The following NTM variants were observed in gnomAD, a reference collection of about 807,000 sequenced individuals.
The protein encoded by NTM is neurotrimin.
NTM carries 13 observed loss-of-function variants against 42.1 expected under a neutral mutation model. The ratio of observed to expected loss-of-function variants is 0.31; its 90% CI spans 0.20 to 0.49. The LOEUF is 0.49. Among genes scored for constraint, NTM ranks in the 20% least tolerant of loss-of-function variants. The probability of loss-of-function intolerance (pLI) is 0.99; values close to 1 mark genes in which losing one functional copy is unlikely to be tolerated. For missense variants in NTM, 373 were observed against 452.8 expected, an observed-to-expected ratio of 0.82 and a Z score of 1.60; for synonymous variants, 187 against 179.2, an observed-to-expected ratio of 1.04 and a Z score of -0.35.
At chr11:131,588,598 G>A (rs937398825) in intron 1 of NTM, among the ~76,000 whole-genome samples, 12 of 152,180 alleles carry the variant, frequency 7.9e-5, no homozygotes, top group African/African-American at 2.9e-4. Context: ...TTGGTAACTT[G>A]AGTCTACCTA....
chr11:131,995,023 C>G (rs1201626405), intron 2 of NTM, among the ~76,000 whole-genome samples: 5 of 152,086 alleles, frequency 3.3e-5, no homozygotes, highest in Non-Finnish European at 2.9e-5. Context: ...GACTGTTGTT[C>G]CCTCTTATTT....
intron 3 of NTM, among the ~76,000 whole-genome samples, chr11:132,167,661 T>C (rs1454600309): frequency 6.6e-6 from 1 of 152,196 alleles, no homozygotes; most frequent in Non-Finnish European, 1.5e-5. Context: ...GATCCTTAGA[T>C]GAAGGGAAGG....
intron 1 of NTM, among the ~76,000 whole-genome samples, chr11:131,606,360 G>T (rs1322690868): frequency 6.6e-6 from 1 of 152,118 alleles, no homozygotes; most frequent in Non-Finnish European, 1.5e-5. Context: ...CTGGCTGACG[G>T]CTGTATTTTC....
chr11:131,776,861 A>G (rs1247814491), intron 1 of NTM, among the ~76,000 whole-genome samples: 1 of 152,140 alleles, frequency 6.6e-6, no homozygotes. Context: ...AAGAAGGAAG[A>G]GTAGGAGGCT....
chr11:131,523,051 T>G (rs73026170), intron 1 of NTM, among the ~76,000 whole-genome samples: 12,175 of 152,282 alleles, frequency 0.08, 547 homozygotes, highest in Middle Eastern at 0.16. Context: ...ACCACATTTT[T>G]AAAATCTGAG....
At position 132,335,087 on chromosome 11, in the gene NTM, AG is replaced by A; in HGVS notation, c.1012del (p.Ala338GlnfsTer53). ...CGAGGTGAGCAACGGCACGTCGAGG[AG>A]GGCAGGCTGCGTCTGGCTGCTGCCT... ...VSEVSNGTSR[R>X]AGCVWLLPLL... On this transcript the variant is annotated frameshift_variant, in exon 9 of 9. Transcript: ENST00000683400. LOFTEE classifies it high-confidence loss of function. 6.2e-7 allele frequency: 1 copy of A among 1,612,698 alleles called. No homozygotes were observed.
chr11:131,722,019 A>AAAAAAAG (rs2078408049), intron 1 of NTM, among the ~76,000 whole-genome samples: 1 of 114,540 alleles, frequency 8.7e-6, no homozygotes, highest in African/African-American at 3.3e-5. Context: ...AAAAAAAAAA[A>AAAAAAAG]AAAGAGAGAA....
intron 2 of NTM, among the ~76,000 whole-genome samples, chr11:132,116,762 G>A (rs531389724): frequency 6.6e-6 from 1 of 152,360 alleles, no homozygotes; most frequent in East Asian, 1.9e-4. Context: ...TGCTGAGGAT[G>A]ACAGTTATAG....
chr11:132,035,914 C>T, intron 2 of NTM, among the ~76,000 whole-genome samples: 1 of 152,254 alleles, frequency 6.6e-6, no homozygotes, highest in Admixed American at 6.5e-5. Flanking sequence ...CTAAGAATTC[C>T]CTTATCTCTC....
At chr11:131,987,379 C>CTATTCTATTT (rs2066235710) in intron 2 of NTM, among the ~76,000 whole-genome samples, 2 of 13,582 alleles carry the variant, frequency 1.5e-4, no homozygotes, top group African/African-American at 4.1e-4. Context: ...CCTATTCCTC[C>CTATTCTATTT]TATTCTATTC....
chr11:131,677,809 C>T (rs1346994605), intron 1 of NTM, among the ~76,000 whole-genome samples: 6 of 152,206 alleles, frequency 3.9e-5, no homozygotes, highest in African/African-American at 1.2e-4. Context: ...CAGCGCCCTG[C>T]AGAGGCCTGG....
intron 3 of NTM, among the ~76,000 whole-genome samples, chr11:132,168,921 C>T (rs1398676799): frequency 6.6e-6 from 1 of 152,154 alleles, no homozygotes; most frequent in Non-Finnish European, 1.5e-5. Context: ...CTTATGCTCC[C>T]TGGGATTCAG....
chr11:131,449,395 A>G (rs1452832680), intron 1 of NTM, among the ~76,000 whole-genome samples: 4 of 152,202 alleles, frequency 2.6e-5, no homozygotes, highest in Non-Finnish European at 5.9e-5. Flanking sequence ...AGATCATTAC[A>G]GTCCAGCTTC....
chr11:132,048,765 C>G (rs573031001), intron 2 of NTM, among the ~76,000 whole-genome samples: 26 of 151,614 alleles, frequency 1.7e-4, no homozygotes, highest in Non-Finnish European at 3.4e-4. Context: ...ACAACAAGAA[C>G]ACAAAACTAA....
At chr11:131,752,204 T>C (rs958649350) in intron 1 of NTM, among the ~76,000 whole-genome samples, 1 of 152,136 alleles carries the variant, frequency 6.6e-6, no homozygotes, top group East Asian at 1.9e-4. Flanking sequence ...TTGTATGTTT[T>C]AACCCCATCA....
chr11:131,841,081 T>G lies in NTM; in HGVS notation c.83-70483T>G, dbSNP rs192832783. Among the ~76,000 whole-genome samples the G allele has an allele frequency of 1.5e-4, 23 of 152,332 alleles. No individual in the cohort carries two copies. In the East Asian group the frequency reaches 4.4e-3, roughly 29 times the overall value. On this transcript the variant is annotated intron_variant, in intron 1 of 8. Coordinates refer to ENST00000683400, the MANE Select transcript of NTM (RefSeq NM_001352005.2). ...AGTTAAATAGATTTAGTACACATTT[T>G]TAAGACATTTTATAGGTCATGCACT...
chr11:131,745,659 C>G (rs945636114), intron 1 of NTM, among the ~76,000 whole-genome samples: 1 of 152,046 alleles, frequency 6.6e-6, no homozygotes, highest in Admixed American at 6.5e-5. Flanking sequence ...GTCACTTCAT[C>G]TTAGAAATTC....
intron 2 of NTM, among the ~76,000 whole-genome samples, chr11:131,936,300 C>T (rs80162812): frequency 6.6e-6 from 1 of 152,062 alleles, no homozygotes; most frequent in Non-Finnish European, 1.5e-5. Context: ...CTATATAATA[C>T]CAGAAGATGG....
At chr11:131,389,128 T>C (rs1016833055) in intron 1 of NTM, among the ~76,000 whole-genome samples, 15 of 152,174 alleles carry the variant, frequency 9.9e-5, no homozygotes, top group African/African-American at 3.1e-4. Flanking sequence ...GCACCTATTA[T>C]GGGCCAGGCC....
Sources: gnomAD v4.1 joint callset for allele counts (sites outside exome capture counted in the v4.1 genomes callset) on GRCh38, gnomAD v4.1.1 for gene constraint, MANE v1.5 for transcripts, NCBI Gene and HGNC (gene_info 2026-07-23, HGNC 2026-07-21) for gene names.